ADAMTS12: variants seen among roughly 807,000 people sequenced by gnomAD.
The protein encoded by ADAMTS12 is A disintegrin and metalloproteinase with thrombospondin motifs 12.
A neutral mutation model predicts 167.8 loss-of-function variants in ADAMTS12; 118 were observed. That is an observed-to-expected ratio of 0.70 (90% CI 0.61 to 0.82). The LOEUF is 0.82. Ranked by LOEUF, ADAMTS12 falls within the 40% of genes least tolerant of loss-of-function variation. ADAMTS12 has a pLI of 0.00. For missense variants in ADAMTS12, 1,916 were observed against 1,998.8 expected (o/e 0.96, Z 0.79); for synonymous variants, 704 against 716.9 (o/e 0.98, Z 0.29).
In ADAMTS12 at chr5:33,737,390, GA is replaced by G. The variant is rs561194037; in HGVS notation, c.634+14013del. 6.5e-4 allele frequency among the ~76,000 whole-genome samples: 99 copies of G among 152,306 alleles called. 1 individual carries two copies. In the South Asian group the frequency reaches 0.02, roughly 31 times the overall value. ...TTTTTGCAATTCTAAAAGAAATTTGGAAAGTCAAATGGTGGTTGCCAGGGGC... is the reference window on the plus strand; with the variant it reads ...TTTTTGCAATTCTAAAAGAAATTTGGAAGTCAAATGGTGGTTGCCAGGGGC... On this transcript the variant is annotated intron_variant, in intron 3 of 23. Coordinates refer to ENST00000504830, the MANE Select transcript of ADAMTS12 (RefSeq NM_030955.4).
chr5:33,666,654 A>G (rs1741481374), intron 5 of ADAMTS12, among the ~76,000 whole-genome samples: 1 of 152,084 alleles, frequency 6.6e-6, no homozygotes, highest in Non-Finnish European at 1.5e-5. Flanking sequence ...CACCATGACC[A>G]GCTAATTTTT....
At chr5:33,792,140 G>A (rs976007068) in intron 2 of ADAMTS12, among the ~76,000 whole-genome samples, 1 of 151,866 alleles carries the variant, frequency 6.6e-6, no homozygotes, top group Non-Finnish European at 1.5e-5. Context: ...TGGGATTACA[G>A]GCGCCCACCA....
intron 3 of ADAMTS12, among the ~76,000 whole-genome samples, chr5:33,746,080 G>A (rs1166751379): frequency 3.9e-5 from 6 of 152,140 alleles, no homozygotes; most frequent in Admixed American, 1.3e-4. Context: ...TAAAATGTTC[G>A]CTATCTCATA....
At chr5:33,564,170 T>G (rs572480849) in intron 19 of ADAMTS12, among the ~76,000 whole-genome samples, 7 of 152,360 alleles carry the variant, frequency 4.6e-5, no homozygotes, top group African/African-American at 1.7e-4. Flanking sequence ...TAGAAATCAC[T>G]TCCTGTTTTA....
chr5:33,793,261 T>G (rs1466056518), intron 2 of ADAMTS12, among the ~76,000 whole-genome samples: 4 of 152,234 alleles, frequency 2.6e-5, no homozygotes, highest in African/African-American at 4.8e-5. Flanking sequence ...CATGGACAGA[T>G]AAGGTTTGTG....
intron 15 of ADAMTS12, among the ~76,000 whole-genome samples, chr5:33,614,941 C>A (rs1188175010): frequency 6.6e-6 from 1 of 152,182 alleles, no homozygotes; most frequent in Non-Finnish European, 1.5e-5. Context: ...ATGGCTTTCC[C>A]TACCTCTCAG....
At chr5:33,712,136 CTT>C (rs762628101) in intron 3 of ADAMTS12, among the ~76,000 whole-genome samples, 96 of 152,114 alleles carry the variant, frequency 6.3e-4, no homozygotes, top group Non-Finnish European at 1.0e-3. Flanking sequence ...GATTAAATGA[CTT>C]GATGCATAAA....
intron 11 of ADAMTS12, among the ~76,000 whole-genome samples, chr5:33,639,132 G>A (rs1321620999): frequency 2.6e-5 from 4 of 152,128 alleles, no homozygotes; most frequent in South Asian, 4.1e-4. Context: ...TATCTCACAA[G>A]TTGTATTGCA....
At chr5:33,695,985 A>G (rs1739142030) in intron 3 of ADAMTS12, among the ~76,000 whole-genome samples, 1 of 152,218 alleles carries the variant, frequency 6.6e-6, no homozygotes, top group Admixed American at 6.5e-5. Context: ...CAATCGCTGC[A>G]TTGACGAGTC....
chr5:33,687,795 C>G (rs566396793), intron 3 of ADAMTS12, among the ~76,000 whole-genome samples: 1 of 152,126 alleles, frequency 6.6e-6, no homozygotes, highest in African/African-American at 2.4e-5. Context: ...GTTTCTGCTA[C>G]GCAATTTCAG....
intron 2 of ADAMTS12, among the ~76,000 whole-genome samples, chr5:33,815,724 G>A (rs1747627974): frequency 6.6e-6 from 1 of 152,206 alleles, no homozygotes; most frequent in Non-Finnish European, 1.5e-5. Flanking sequence ...GGAGCGCATA[G>A]TCCTGAAAGC....
At chr5:33,811,946 A>C (rs10062345) in intron 2 of ADAMTS12, among the ~76,000 whole-genome samples, 1 of 151,828 alleles carries the variant, frequency 6.6e-6, no homozygotes, top group African/African-American at 2.4e-5. Flanking sequence ...AGGAAGAGAG[A>C]GTGAAGTCAG....
chr5:33,705,266 GGTGTGTGTGTGTGT>G (rs70964413), intron 3 of ADAMTS12, among the ~76,000 whole-genome samples: 14 of 143,914 alleles, frequency 9.7e-5, no homozygotes, highest in East Asian at 4.1e-4. Flanking sequence ...AGTATTCCAT[GGTGTGTGTGTGTGT>G]GTGTGTGTGT....
chr5:33,763,900 T>C (rs1745440535), intron 2 of ADAMTS12, among the ~76,000 whole-genome samples: 1 of 152,188 alleles, frequency 6.6e-6, no homozygotes, highest in Non-Finnish European at 1.5e-5. Context: ...CTGTGTGACC[T>C]TGGTCAAATG....
intron 7 of ADAMTS12, among the ~76,000 whole-genome samples, chr5:33,652,972 G>T (rs1400170263): frequency 2.6e-5 from 4 of 151,988 alleles, no homozygotes; most frequent in Admixed American, 6.6e-5. Context: ...TGCAAACAGG[G>T]ATAGTTTTGT....
chr5:33,817,721 T>C (rs1056339140), intron 2 of ADAMTS12, among the ~76,000 whole-genome samples: 2 of 152,016 alleles, frequency 1.3e-5, no homozygotes, highest in African/African-American at 2.4e-5. Context: ...TAAAAAAAAA[T>C]ACAACTACAA....
chr5:33,606,645 A>C (rs1244626667), intron 16 of ADAMTS12, among the ~76,000 whole-genome samples: 1 of 152,210 alleles, frequency 6.6e-6, no homozygotes. Flanking sequence ...ACTGACTAGA[A>C]TCTGTGGAGA....
rs189054124 is a variant in ADAMTS12, at chr5:33,525,514, C to T, written c.*1674G>A. 9.9e-4 allele frequency: 151 copies of T among 152,298 alleles called. 1 individual carries two copies. Among genetic ancestry groups the T allele is most frequent in the African/African-American group, 3.4e-3 (140 of 41,554 alleles). The allele number at this position is 152,298 out of a possible 1,614,324, so 9.4% of individuals were successfully genotyped here. A position where few individuals can be genotyped will look rare whatever the true frequency, so the allele number is the denominator to read the frequency against. ...TAAAACTGGCATTGGTCAGCAACAC[C>T]GTTACATGTTTAACAGAAGATGTAT... On this transcript the variant is annotated 3_prime_UTR_variant, in exon 24 of 24. Transcript: ENST00000504830.
chr5:33,582,180 G>T (rs1747098173), intron 18 of ADAMTS12, among the ~76,000 whole-genome samples: 1 of 152,158 alleles, frequency 6.6e-6, no homozygotes, highest in Non-Finnish European at 1.5e-5. Context: ...GACCTGAGGA[G>T]GACAATCAAC....
Sources: allele counts gnomAD v4.1 joint callset (sites outside exome capture counted in the v4.1 genomes callset), GRCh38; gene constraint gnomAD v4.1.1; transcripts MANE v1.5; gene names NCBI Gene and HGNC (gene_info 2026-07-23, HGNC 2026-07-21).